Variants in SAXO1 observed in about 807,000 individuals in gnomAD.
SAXO1 encodes 4930500O09Rik.
In SAXO1, 21 loss-of-function variants were observed where a neutral mutation model predicts 17.5. That is an observed-to-expected ratio of 1.20 (90% CI 0.85 to 1.72). The LOEUF (loss-of-function observed/expected upper bound fraction) is 1.72. SAXO1 is among the 40% of genes most tolerant of loss of function. The probability of loss-of-function intolerance (pLI) is 0.00; values close to 1 mark genes in which losing one functional copy is unlikely to be tolerated. For missense variants in SAXO1, 843 were observed against 596.0 expected (o/e 1.41, Z -4.32); for synonymous variants, 274 against 216.5 (o/e 1.27, Z -2.33).
chr9:18,927,791 T>G lies in SAXO1; in HGVS notation c.*261A>C. ...GAAACCCTCACAGACCAACTTTGAT[T>G]CCATAAGCACAAAGTAAAGGACCTG... On this transcript the variant is annotated 3_prime_UTR_variant, in exon 4 of 4. Transcript: ENST00000380534. 2.6e-6 allele frequency: 1 copy of G among 378,318 alleles called. No individual in the cohort carries two copies. The highest frequency in any genetic ancestry group is 4.7e-6 in the Non-Finnish European group (1 of 212,272). 23.4% of individuals were successfully genotyped at this position (378,318 alleles called of 1,614,324 possible).
intron 1 of SAXO1, among the ~76,000 whole-genome samples, chr9:18,997,560 G>C (rs7025123): frequency 0.52 from 79,907 of 152,204 alleles, 22,355 homozygotes; most frequent in Non-Finnish European, 0.63. Context: ...AGGAAGTAGA[G>C]AGCTTCTACA....
chr9:18,940,240 T>C (rs970392063), intron 3 of SAXO1, among the ~76,000 whole-genome samples: 2 of 152,226 alleles, frequency 1.3e-5, no homozygotes, highest in Non-Finnish European at 2.9e-5. Context: ...AGGATGCCGA[T>C]GTGCACAAAG....
At chr9:19,023,904 C>T (rs569931206) in intron 1 of SAXO1, among the ~76,000 whole-genome samples, 1 of 150,764 alleles carries the variant, frequency 6.6e-6, no homozygotes, top group South Asian at 2.1e-4. Flanking sequence ...TTTGGGAGTC[C>T]GAGGTGGGAA....
At chr9:18,999,635 C>A (rs1834166157) in intron 1 of SAXO1, among the ~76,000 whole-genome samples, 1 of 141,116 alleles carries the variant, frequency 7.1e-6, no homozygotes, top group African/African-American at 2.7e-5. Context: ...AAGTGAAGAG[C>A]CCCTCTGCCC....
In SAXO1 at chr9:18,928,065, T is replaced by C. The variant is rs368027955; in HGVS notation, c.1412A>G (p.Glu471Gly). 2 of 1,601,442 alleles carry C rather than the reference T, an allele frequency of 1.2e-6. No homozygotes were observed. Among genetic ancestry groups the C allele is most frequent in the African/African-American group, 2.7e-5 (2 of 74,586 alleles). ...DSENPNQREL[E>G]VLA ...TATTTTTCAAAATCAGGCTAACACTTCCAACTCCCTCTGGTTGGGGTTTTC... is the reference window on the plus strand; with the variant it reads ...TATTTTTCAAAATCAGGCTAACACTCCCAACTCCCTCTGGTTGGGGTTTTC... Residue 471 changes from glutamate to glycine, a missense_variant, in exon 4 of 4, where the codon GAA (glutamate) becomes GGA (glycine). By Grantham distance (98) the Glu-to-Gly change is moderately conservative. Coordinates refer to ENST00000380534, the MANE Select transcript of SAXO1 (RefSeq NM_153707.4).
intron 1 of SAXO1, among the ~76,000 whole-genome samples, chr9:18,952,566 C>A (rs184009086): frequency 5.9e-5 from 9 of 152,164 alleles, no homozygotes; most frequent in African/African-American, 7.2e-5. Context: ...TGCATATTAA[C>A]AAGTACCATT....
chr9:18,990,498 G>C (rs181712029), intron 1 of SAXO1, among the ~76,000 whole-genome samples: 310 of 152,272 alleles, frequency 2.0e-3, no homozygotes, highest in Non-Finnish European at 3.5e-3. Flanking sequence ...TTGAACCTCA[G>C]AGGTTGAGGC....
At chr9:19,019,839 CTCATGGG>C (rs1835150873) in intron 1 of SAXO1, among the ~76,000 whole-genome samples, 1 of 152,166 alleles carries the variant, frequency 6.6e-6, no homozygotes, top group South Asian at 2.1e-4. Context: ...GCAATGACCA[CTCATGGG>C]TCTTGGTTCC....
At chr9:18,961,211 G>C (rs1371390099) in intron 1 of SAXO1, among the ~76,000 whole-genome samples, 1 of 151,492 alleles carries the variant, frequency 6.6e-6, no homozygotes, top group Non-Finnish European at 1.5e-5. Context: ...CTGTCAGCCA[G>C]GCTAGAGTGC....
intron 1 of SAXO1, among the ~76,000 whole-genome samples, chr9:19,022,985 T>A (rs887690454): frequency 6.6e-6 from 1 of 152,186 alleles, no homozygotes; most frequent in African/African-American, 2.4e-5. Context: ...TTTGTTAATG[T>A]CAGTATGAAC....
In SAXO1 at chr9:19,015,807, T is replaced by C. The variant is rs114318228; in HGVS notation, c.38+17064A>G. Reference sequence around the variant, plus strand: ...TCTCTTCTTTTTGAAAAAACACACCTTTGTGTTTTTGAGGTTGACACTCAA... The same window carrying C: ...TCTCTTCTTTTTGAAAAAACACACCCTTGTGTTTTTGAGGTTGACACTCAA... On this transcript the variant is annotated intron_variant, in intron 1 of 3. Transcript: ENST00000380534. Among the ~76,000 whole-genome samples, 1,028 of 152,132 alleles carry C rather than the reference T, an allele frequency of 6.8e-3. 11 individuals carry two copies. Among genetic ancestry groups the C allele is most frequent in the African/African-American group, 0.023 (971 of 41,498 alleles).
chr9:18,964,362 G>C (rs1480734944), intron 1 of SAXO1, among the ~76,000 whole-genome samples: 1 of 152,118 alleles, frequency 6.6e-6, no homozygotes, highest in Non-Finnish European at 1.5e-5. Flanking sequence ...ACTCCTTTTT[G>C]TACCTCTGGT....
At chr9:19,001,344 G>T (rs928461959) in intron 1 of SAXO1, among the ~76,000 whole-genome samples, 2 of 152,094 alleles carry the variant, frequency 1.3e-5, no homozygotes, top group Non-Finnish European at 2.9e-5. Context: ...ATGGCTACTG[G>T]GTACATAACG....
chr9:18,989,445 T>A (rs1833718722), intron 1 of SAXO1, among the ~76,000 whole-genome samples: 1 of 152,170 alleles, frequency 6.6e-6, no homozygotes, highest in African/African-American at 2.4e-5. Context: ...ATAGCCATAG[T>A]TACTAATGCA....
chr9:18,941,882 G>A (rs764523508), intron 2 of SAXO1, 43 bp from the exon 3 acceptor site: 55 of 1,578,588 alleles, frequency 3.5e-5, no homozygotes, highest in East Asian at 8.9e-5. Context: ...CTTGGCTTGC[G>A]ATAAGGCTTA....
intron 2 of SAXO1, among the ~76,000 whole-genome samples, chr9:18,946,005 G>A (rs763015546): frequency 1.3e-4 from 20 of 152,208 alleles, no homozygotes; most frequent in African/African-American, 2.6e-4. Flanking sequence ...GGCCGGGCAC[G>A]GTGGCCCATG....
intron 1 of SAXO1, among the ~76,000 whole-genome samples, chr9:19,008,448 C>G (rs551709615): frequency 6.6e-6 from 1 of 152,168 alleles, no homozygotes. Flanking sequence ...CTGACCTTTA[C>G]TTTCACAAAT....
At chr9:18,945,449 C>T (rs2131713008) in intron 2 of SAXO1, among the ~76,000 whole-genome samples, 1 of 152,320 alleles carries the variant, frequency 6.6e-6, no homozygotes, top group Non-Finnish European at 1.5e-5. Flanking sequence ...TTTGTCACTT[C>T]TATATGCTAT....
intron 1 of SAXO1, among the ~76,000 whole-genome samples, chr9:19,031,717 G>T (rs2131053208): frequency 6.6e-6 from 1 of 152,270 alleles, no homozygotes; most frequent in Non-Finnish European, 1.5e-5. Flanking sequence ...CCTAGCAAAT[G>T]GCCAGAATCA....
Sources: gnomAD v4.1 joint callset for allele counts (sites outside exome capture counted in the v4.1 genomes callset) on GRCh38, gnomAD v4.1.1 for gene constraint, MANE v1.5 for transcripts, NCBI Gene and HGNC (gene_info 2026-07-23, HGNC 2026-07-21) for gene names.